The following USP32 variants were observed in gnomAD, a reference collection of about 807,000 sequenced individuals.
USP32 encodes ubiquitin carboxyl-terminal hydrolase 32.
In USP32, 59 loss-of-function variants were observed where a neutral mutation model predicts 204.8. The ratio of observed to expected loss-of-function variants is 0.29; its 90% CI spans 0.23 to 0.36. The LOEUF is 0.36. Ranked by LOEUF, USP32 falls within the 10% of genes least tolerant of loss-of-function variation. The pLI is 1.00. For synonymous variants in USP32, 517 were observed against 678.4 expected (o/e 0.76, Z 3.70); for missense variants, 1,160 against 1,946.4 (o/e 0.60, Z 7.60).
At chr17:60,364,939 T>C (rs894863828) in intron 1 of USP32, among the ~76,000 whole-genome samples, 8 of 152,224 alleles carry the variant, frequency 5.3e-5, no homozygotes, top group Non-Finnish European at 1.2e-4. Flanking sequence ...AATAACAACA[T>C]GGATTTACAT....
chr17:60,386,055 G>A (rs999795333), intron 1 of USP32, among the ~76,000 whole-genome samples: 4 of 151,472 alleles, frequency 2.6e-5, no homozygotes, highest in East Asian at 3.9e-4. Flanking sequence ...AGAAACAAAC[G>A]GAAAGAACAA....
upstream of USP32, among the ~76,000 whole-genome samples, chr17:60,397,016 AG>A (rs1428610720): frequency 6.6e-6 from 1 of 152,188 alleles, no homozygotes; most frequent in Non-Finnish European, 1.5e-5. Flanking sequence ...GCATCCTTTT[AG>A]TTCTCCTTGA....
chr17:60,191,104 T>C (rs1226203377), intron 28 of USP32, among the ~76,000 whole-genome samples: 1 of 152,068 alleles, frequency 6.6e-6, no homozygotes, highest in East Asian at 1.9e-4. Context: ...AATAAATGCA[T>C]ATAAAAGTTT....
intron 2 of USP32, among the ~76,000 whole-genome samples, chr17:60,335,577 C>G (rs1469207552): frequency 7.0e-6 from 1 of 142,786 alleles, no homozygotes; most frequent in Non-Finnish European, 1.5e-5. Flanking sequence ...AAAAATATAT[C>G]TACAATAGAA....
At chr17:60,270,499 C>T (rs1188451803) in intron 6 of USP32, among the ~76,000 whole-genome samples, 1 of 152,118 alleles carries the variant, frequency 6.6e-6, no homozygotes, top group Non-Finnish European at 1.5e-5. Context: ...ATGATGTGCT[C>T]ACAATTATAT....
At chr17:60,348,379 T>C (rs1424197807) in intron 1 of USP32, among the ~76,000 whole-genome samples, 2 of 151,668 alleles carry the variant, frequency 1.3e-5, no homozygotes, top group African/African-American at 4.8e-5. Context: ...AGAAAGAAAA[T>C]TGATATGGAA....
At position 60,198,425 on chromosome 17, in the gene USP32, A is replaced by C. The variant is rs1449454109; in HGVS notation, c.3269T>G (p.Phe1090Cys). ...GGGGCGATTCTTCTGAGATGACAGG[A>C]AATACAGTTCTGTCCTCATCTGTAT... is the stretch of plus-strand genomic sequence containing the variant. ...HRKMMRTELY[F>C]LSSQKNRPSL... The change falls in exon 27 of 34, where the codon TTC (phenylalanine) becomes TGC (cysteine). Residue 1090 changes from phenylalanine to cysteine, a missense_variant. By Grantham distance (205) the Phe-to-Cys change is radical. Around this residue, in one of 8 missense-constraint regions of USP32, gnomAD observed 160 missense variants for 322.5 expected, o/e 0.50. Transcript: ENST00000300896. 1 of 1,614,188 alleles carries C rather than the reference A, an allele frequency of 6.2e-7. No individual in the cohort carries two copies. Among genetic ancestry groups the C allele is most frequent in the South Asian group, 1.1e-5 (1 of 91,076 alleles).
chr17:60,258,140 G>A (rs1382217834), intron 9 of USP32: 1 of 156,458 alleles, frequency 6.4e-6, no homozygotes, highest in Non-Finnish European at 1.5e-5. Context: ...GGACTCTGAA[G>A]TTGAGCTCCA....
intron 26 of USP32, among the ~76,000 whole-genome samples, chr17:60,202,442 A>ATCACAC (rs1555582912): frequency 2.5e-5 from 3 of 120,442 alleles, no homozygotes; most frequent in African/African-American, 7.8e-5. Context: ...AGCTTATCAA[A>ATCACAC]TCACACACAC....
At chr17:60,315,702 T>A (rs1598235273) in intron 2 of USP32, 1 of 152,202 alleles carries the variant, frequency 6.6e-6, no homozygotes, top group South Asian at 2.1e-4. Flanking sequence ...ATGTGGTATA[T>A]ACACACAGTG....
chr17:60,187,479 G>A (rs1374073049), intron 29 of USP32, among the ~76,000 whole-genome samples: 3 of 152,180 alleles, frequency 2.0e-5, no homozygotes, highest in Non-Finnish European at 2.9e-5. Flanking sequence ...GAAACGTGCT[G>A]CATCATCGTT....
chr17:60,418,942 G>A (rs1265231774), intron 1 of USP32, among the ~76,000 whole-genome samples: 2 of 152,154 alleles, frequency 1.3e-5, no homozygotes, highest in East Asian at 1.9e-4. Flanking sequence ...CAACCATAGC[G>A]GAAAGTAGTG....
chr17:60,349,612 TA>T (rs1567867215), intron 1 of USP32, among the ~76,000 whole-genome samples: 1 of 67,204 alleles, frequency 1.5e-5, no homozygotes. Flanking sequence ...TATATATATA[TA>T]TATATATATA....
At chr17:60,367,644 C>G (rs1231390762) in intron 1 of USP32, among the ~76,000 whole-genome samples, 1 of 152,136 alleles carries the variant, frequency 6.6e-6, no homozygotes, top group Non-Finnish European at 1.5e-5. Context: ...CCCATCTCTA[C>G]CAAAAATACA....
At chr17:60,273,388 T>C in intron 5 of USP32, among the ~76,000 whole-genome samples, 1 of 152,086 alleles carries the variant, frequency 6.6e-6, no homozygotes, top group East Asian at 1.9e-4. Context: ...TTGGGAGCAT[T>C]TGTGAACTCC....
intron 1 of USP32, among the ~76,000 whole-genome samples, chr17:60,375,164 T>C (rs189109960): frequency 1.6e-3 from 238 of 152,326 alleles, no homozygotes; most frequent in Non-Finnish European, 2.0e-3. Context: ...TGTTTGTCTT[T>C]GTTTATGAAG....
chr17:60,317,409 G>A (rs573705760), intron 2 of USP32, among the ~76,000 whole-genome samples: 49 of 151,506 alleles, frequency 3.2e-4, no homozygotes, highest in Non-Finnish European at 5.2e-4. Flanking sequence ...CCAGCGACTC[G>A]GGAGGCTGAG....
intron 1 of USP32, among the ~76,000 whole-genome samples, chr17:60,359,569 G>C (rs1291389558): frequency 1.3e-5 from 2 of 152,090 alleles, no homozygotes; most frequent in African/African-American, 4.8e-5. Context: ...CCAGAACTTT[G>C]GGAGGCTGAG....
chr17:60,298,119 G>A (rs1000231452), intron 3 of USP32, among the ~76,000 whole-genome samples: 1 of 148,574 alleles, frequency 6.7e-6, no homozygotes, highest in South Asian at 2.1e-4. Flanking sequence ...GGGCCTAACT[G>A]TAATGCATTT....
Sources: allele counts gnomAD v4.1 joint callset (sites outside exome capture counted in the v4.1 genomes callset), GRCh38; gene constraint gnomAD v4.1.1; regional missense constraint gnomAD v4.1.1; transcripts MANE v1.5; gene names NCBI Gene and HGNC (gene_info 2026-07-23, HGNC 2026-07-21).